The following WRN variants were observed in gnomAD, a reference collection of about 807,000 sequenced individuals.
WRN encodes the protein bifunctional 3'-5' exonuclease/ATP-dependent helicase WRN.
Under a neutral mutation model 180.7 loss-of-function variants are expected in WRN, and 149 were observed. The observed-to-expected ratio is 0.82, with a 90% CI of 0.72 to 0.94. WRN has a LOEUF of 0.94. Among genes scored for constraint, WRN ranks in the 40% least tolerant of loss-of-function variants. WRN has a pLI of 0.00. For missense variants in WRN, 1,661 were observed against 1,700.1 expected (o/e 0.98, Z 0.40); for synonymous variants, 548 against 568.9 (o/e 0.96, Z 0.52).
At position 31,077,382 on chromosome 8, in the gene WRN, C is replaced by G. The variant is rs572275583; in HGVS notation, c.839+1095C>G. Reference sequence around the variant, plus strand: ...CAGCCTCCCGAGTAGCTGGGACTACCGGCGCCCGCCACCCCACCTGGCTAA... The same window carrying G: ...CAGCCTCCCGAGTAGCTGGGACTACGGGCGCCCGCCACCCCACCTGGCTAA... On this transcript the variant is annotated intron_variant, in intron 8 of 34. Transcript: ENST00000298139. 3.9e-4 allele frequency among the ~76,000 whole-genome samples: 59 copies of G among 150,718 alleles called. 1 individual carries two copies. The South Asian group carries it at 0.012, about 30-fold the overall frequency.
chr8:31,115,761 G>T (rs1352010002), intron 19 of WRN, among the ~76,000 whole-genome samples: 1 of 152,092 alleles, frequency 6.6e-6, no homozygotes, highest in African/African-American at 2.4e-5. Flanking sequence ...TATGGAAATC[G>T]TTTACGCTTT....
intron 27 of WRN, 79 bp from the exon 28 acceptor site, chr8:31,143,471 G>A: frequency 1.0e-6 from 1 of 990,240 alleles, no homozygotes; most frequent in South Asian, 1.5e-5. Flanking sequence ...GTGATTTTGA[G>A]ATTTTTGTTT....
At chr8:31,123,395 C>T (rs1339081865) in intron 21 of WRN, among the ~76,000 whole-genome samples, 8 of 152,010 alleles carry the variant, frequency 5.3e-5, no homozygotes, top group Non-Finnish European at 5.9e-5. Context: ...ATCCACTGGA[C>T]GTCTTGGAAT....
chr8:31,118,447 A>T (rs912706268), intron 20 of WRN, among the ~76,000 whole-genome samples: 1 of 152,054 alleles, frequency 6.6e-6, no homozygotes, highest in Non-Finnish European at 1.5e-5. Flanking sequence ...AAGTTCTCAA[A>T]CACTTTGTAA....
At chr8:31,135,279 A>G (rs1802355280) in intron 24 of WRN, among the ~76,000 whole-genome samples, 1 of 151,340 alleles carries the variant, frequency 6.6e-6, no homozygotes, top group Admixed American at 6.6e-5. Flanking sequence ...CCTGTCTCAA[A>G]CTCCAGGGCT....
At chr8:31,142,372 T>C (rs1253776828) in intron 26 of WRN, among the ~76,000 whole-genome samples, 25 of 152,210 alleles carry the variant, frequency 1.6e-4, no homozygotes, top group Non-Finnish European at 8.8e-5. Flanking sequence ...ACTTCTGGTG[T>C]GTAGAAGTGG....
chr8:31,106,879 A>G (rs552842698), intron 18 of WRN, among the ~76,000 whole-genome samples: 3 of 152,192 alleles, frequency 2.0e-5, no homozygotes, highest in Non-Finnish European at 4.4e-5. Context: ...GAGGTGCTCA[A>G]TTTATAATGG....
chr8:31,107,313 C>A (rs558562346), intron 18 of WRN, among the ~76,000 whole-genome samples: 1 of 152,252 alleles, frequency 6.6e-6, no homozygotes, highest in South Asian at 2.1e-4. Context: ...TTCTGTAATC[C>A]TTTCCTAGGC....
chr8:31,152,245 G>C (rs1376809390), intron 31 of WRN, among the ~76,000 whole-genome samples: 2 of 151,906 alleles, frequency 1.3e-5, no homozygotes, highest in Non-Finnish European at 2.9e-5. Context: ...GCAGGAGAAT[G>C]GCGTGAACCT....
intron 23 of WRN, among the ~76,000 whole-genome samples, chr8:31,128,346 A>G (rs1354270807): frequency 6.6e-6 from 1 of 151,924 alleles, no homozygotes; most frequent in African/African-American, 2.4e-5. Context: ...GCAAGCAACT[A>G]TAGCAGTGTA....
intron 8 of WRN, among the ~76,000 whole-genome samples, chr8:31,077,477 C>T (rs1195209511): frequency 1.3e-5 from 2 of 152,076 alleles, no homozygotes; most frequent in Non-Finnish European, 2.9e-5. Flanking sequence ...CTCCGGACCT[C>T]GTGATCTGCC....
In WRN at chr8:31,132,359, A is replaced by G. The variant is rs1293642977; in HGVS notation, c.2826-6A>G. On this transcript the variant is annotated splice_polypyrimidine_tract_variant and splice_region_variant and intron_variant, in intron 23 of 34. Transcript: ENST00000298139. ...GCTTTCTTCAAATGTTATTATTTTT[A>G]TTTAGATTGGATCATTGCTATTCCA... is the stretch of plus-strand genomic sequence containing the variant. 1.9e-6 allele frequency: 3 copies of G among 1,613,020 alleles called. No homozygotes were observed. In the South Asian group the frequency reaches 3.3e-5, roughly 18 times the overall value.
chr8:31,049,998 G>A (rs1812024807), intron 1 of WRN, among the ~76,000 whole-genome samples: 1 of 151,970 alleles, frequency 6.6e-6, no homozygotes, highest in Non-Finnish European at 1.5e-5. Context: ...TTTTACAAAT[G>A]AGGAAATGAA....
chr8:31,059,225 T>G lies in WRN; in HGVS notation c.169T>G (p.Tyr57Asp). 2 of 1,613,874 alleles carry G rather than the reference T, an allele frequency of 1.2e-6. No individual in the cohort carries two copies. Among genetic ancestry groups the G allele is most frequent in the Non-Finnish European group, 1.7e-6 (2 of 1,179,858 alleles). ...ATTCACTGGATCCATTGTGTATAGT[T>G]ACGATGCTAGTGATTGCTCTTTCCT... ...LEFTGSIVYS[Y>D]DASDCSFLSE... The change falls in exon 3 of 35, where the codon TAC (tyrosine) becomes GAC (aspartate). Residue 57 changes from tyrosine (Y) to aspartate (D), a missense_variant. Coordinates refer to ENST00000298139, the MANE Select transcript of WRN (RefSeq NM_000553.6).
At chr8:31,081,957 C>T (rs1418381271) in intron 9 of WRN, among the ~76,000 whole-genome samples, 1 of 151,994 alleles carries the variant, frequency 6.6e-6, no homozygotes, top group African/African-American at 2.4e-5. Flanking sequence ...GATGGGGTTT[C>T]GCTCTGTTGC....
chr8:31,065,121 G>A (rs566635444), intron 5 of WRN, 58 bp downstream of exon 5: 2 of 1,541,366 alleles, frequency 1.3e-6, no homozygotes, highest in South Asian at 1.2e-5. Flanking sequence ...TACACAGAAT[G>A]TACTTTCTAT....
In WRN at chr8:31,174,819, T is replaced by TCCTTCCTCCCTC. The variant is rs1343039875; in HGVS notation, c.*1720_*1721insTCCTCCCTCCCT. Among the ~76,000 whole-genome samples the TCCTTCCTCCCTC allele has an allele frequency of 6.9e-5, 6 of 86,536 alleles. No individual in the cohort carries two copies. Among genetic ancestry groups the TCCTTCCTCCCTC allele is most frequent in the Non-Finnish European group, 1.0e-4 (4 of 39,620 alleles). The allele number at this position is 86,536 out of a possible 152,430, so 56.8% of individuals were successfully genotyped here. On this transcript the variant is annotated 3_prime_UTR_variant, in exon 35 of 35. Transcript: ENST00000298139. ...CCCCTTCCTTCCTTCCTTCCTTCCT[T>TCCTTCCTCCCTC]CCTCCCTCCCTCCCTCCCTCCCTCC...
intron 1 of WRN, among the ~76,000 whole-genome samples, chr8:31,040,051 T>G (rs970882825): frequency 6.6e-6 from 1 of 152,140 alleles, no homozygotes; most frequent in Admixed American, 6.5e-5. Context: ...GAGGTCGAAT[T>G]TTGGCTTTGT....
intron 17 of WRN, among the ~76,000 whole-genome samples, chr8:31,098,184 A>G (rs1585451460): frequency 6.6e-6 from 1 of 152,214 alleles, no homozygotes; most frequent in East Asian, 1.9e-4. Flanking sequence ...TTTTGCCTTT[A>G]ATGGACAATG....
Sources: allele counts gnomAD v4.1 joint callset (sites outside exome capture counted in the v4.1 genomes callset), GRCh38; gene constraint gnomAD v4.1.1; transcripts MANE v1.5; gene names NCBI Gene and HGNC (gene_info 2026-07-23, HGNC 2026-07-21).